SCG5: variants seen among roughly 807,000 people sequenced by gnomAD.
The protein encoded by SCG5 is secretogranin V.
In SCG5, 18 loss-of-function variants were observed where a neutral mutation model predicts 25.7. That is an observed-to-expected ratio of 0.70 (90% CI 0.48 to 1.04). The LOEUF (loss-of-function observed/expected upper bound fraction) is 1.04, where lower values mean the gene tolerates loss of function less well. Among genes scored for constraint, SCG5 ranks in the 50% least tolerant of loss-of-function variants. The pLI, the probability that SCG5 is intolerant of heterozygous loss-of-function variation, is 0.00. For missense variants in SCG5, 206 were observed against 259.8 expected, an observed-to-expected ratio of 0.79 and a Z score of 1.42; for synonymous variants, 101 against 91.7, an observed-to-expected ratio of 1.10 and a Z score of -0.58.
At chr15:32,675,761 C>T (rs2054519974) in intron 2 of SCG5, among the ~76,000 whole-genome samples, 1 of 152,230 alleles carries the variant, frequency 6.6e-6, no homozygotes, top group Non-Finnish European at 1.5e-5. Context: ...CAGTGCATTA[C>T]AACTGGCTGT....
Position 32,679,821 on chromosome 15 carries a change from C to A in SCG5, c.282C>A (p.Ile94=), listed in dbSNP as rs529878476. ...HLGPFGNIPN[I]VAELTGDNIP... is the part of the protein sequence containing the mutation. ...GTCCTTTTGGCAACATCCCCAACAT[C>A]GTGGCAGAGTTGACTGGAGACAACA... is the stretch of plus-strand genomic sequence containing the variant. Residue 94 remains isoleucine, a synonymous_variant, in exon 3 of 6, where the codon ATC becomes ATA. Coordinates refer to ENST00000300175, the MANE Select transcript of SCG5 (RefSeq NM_001144757.3). 1 of 1,613,910 alleles carries A rather than the reference C, an allele frequency of 6.2e-7. No homozygotes were observed. Among genetic ancestry groups the A allele is most frequent in the South Asian group, 1.1e-5 (1 of 91,082 alleles).
At chr15:32,695,981 G>C (rs2054950907) in intron 5 of SCG5, among the ~76,000 whole-genome samples, 1 of 152,160 alleles carries the variant, frequency 6.6e-6, no homozygotes, top group African/African-American at 2.4e-5. Context: ...CACAATTAGA[G>C]ACATCTATCA....
chr15:32,643,192 T>C (rs1336234353), intron 1 of SCG5, among the ~76,000 whole-genome samples: 1 of 152,242 alleles, frequency 6.6e-6, no homozygotes, highest in African/African-American at 2.4e-5. Flanking sequence ...AAACCCAAGA[T>C]GCCACTATCT....
chr15:32,690,514 T>C (rs2054831319), intron 4 of SCG5, among the ~76,000 whole-genome samples: 1 of 152,244 alleles, frequency 6.6e-6, no homozygotes, highest in African/African-American at 2.4e-5. Context: ...AATTGATTTA[T>C]TCCCCAAGTG....
chr15:32,687,486 A>AT lies in SCG5; in HGVS notation c.489+2819dup, dbSNP rs1452603123. ...TCTCATTACTACCTACCAGTAAAACATTGTTTCCTTGGTTTTCACATGGAA... is the reference window on the plus strand; with the variant it reads ...TCTCATTACTACCTACCAGTAAAACATTTGTTTCCTTGGTTTTCACATGGAA... On this transcript the variant is annotated intron_variant, in intron 4 of 5. Coordinates refer to ENST00000300175, the MANE Select transcript of SCG5 (RefSeq NM_001144757.3). 3.9e-5 allele frequency among the ~76,000 whole-genome samples: 6 copies of AT among 152,294 alleles called. No homozygotes were observed. The East Asian group carries it at 1.2e-3, about 29-fold the overall frequency.
At chr15:32,668,095 T>G (rs929134360) in intron 2 of SCG5, among the ~76,000 whole-genome samples, 1 of 152,136 alleles carries the variant, frequency 6.6e-6, no homozygotes, top group Non-Finnish European at 1.5e-5. Flanking sequence ...TGTAGAGGAT[T>G]TAGTCTGGGC....
chr15:32,682,724 T>G (rs1231690951), intron 3 of SCG5, among the ~76,000 whole-genome samples: 1 of 152,232 alleles, frequency 6.6e-6, no homozygotes, highest in African/African-American at 2.4e-5. Context: ...AATTTAGCCA[T>G]TATTTGTGAG....
At chr15:32,682,035 G>A (rs191976578) in intron 3 of SCG5, among the ~76,000 whole-genome samples, 64 of 152,228 alleles carry the variant, frequency 4.2e-4, no homozygotes, top group African/African-American at 1.3e-3. Flanking sequence ...TAGGGTTTTG[G>A]ATGGGTAGGA....
intron 2 of SCG5, among the ~76,000 whole-genome samples, chr15:32,649,678 G>A (rs558172003): frequency 6.6e-6 from 1 of 152,224 alleles, no homozygotes; most frequent in South Asian, 2.1e-4. Context: ...TAACTTCTCC[G>A]TGGGCGCCTT....
At chr15:32,646,049 TC>T (rs757166347) in intron 2 of SCG5, among the ~76,000 whole-genome samples, 7 of 152,112 alleles carry the variant, frequency 4.6e-5, no homozygotes, top group Non-Finnish European at 8.8e-5. Context: ...CCATCTGACC[TC>T]ATGATCCGCC....
rs534348268 is a variant in SCG5, at chr15:32,643,922, A to AT, written c.226+111dup. On this transcript the variant is annotated intron_variant, in intron 2 of 5. Transcript: ENST00000300175. ...TATAAGTAGATGCCTTTATTATCCT[A>AT]TTTTTTTCAGAGGAGGAAGCTAATT... 29 of 993,804 alleles carry AT rather than the reference A, an allele frequency of 2.9e-5. No homozygotes were observed. In the East Asian group the frequency reaches 4.7e-4, roughly 16 times the overall value. The allele number at this position is 993,804 out of a possible 1,614,324, so 61.6% of individuals were successfully genotyped here. A position where few individuals can be genotyped will look rare whatever the true frequency, so the allele number is the denominator to read the frequency against.
In SCG5 at chr15:32,670,295, G is replaced by A. The variant is rs140439958; in HGVS notation, c.227-9471G>A. Among the ~76,000 whole-genome samples the A allele has an allele frequency of 2.0e-3, 312 of 152,356 alleles. 2 individuals carry two copies. The Middle Eastern group carries it at 0.024, about 12-fold the overall frequency. Reference sequence around the variant, plus strand: ...GCCAGCCAGGGTGTCTGCCCTTGCCGGCTATGTGGGGCAGTCCCTGTGAGG... The same window carrying A: ...GCCAGCCAGGGTGTCTGCCCTTGCCAGCTATGTGGGGCAGTCCCTGTGAGG... On this transcript the variant is annotated intron_variant, in intron 2 of 5. Coordinates refer to ENST00000300175, the MANE Select transcript of SCG5 (RefSeq NM_001144757.3).
At chr15:32,691,960 G>T in intron 5 of SCG5, 197 bp downstream of exon 5, 1 of 1,434,362 alleles carries the variant, frequency 7.0e-7, no homozygotes, top group Non-Finnish European at 9.1e-7. Context: ...CCAGGCTTTA[G>T]CAGATGATTT....
Position 32,679,916 on chromosome 15 carries a change from G to A in SCG5, c.376+1G>A. The A allele has an allele frequency of 6.2e-7, 1 of 1,608,854 alleles. No individual in the cohort carries two copies. Among genetic ancestry groups the A allele is most frequent in the Non-Finnish European group, 8.5e-7 (1 of 1,177,428 alleles). On this transcript the variant is annotated splice_donor_variant, in intron 3 of 5. Transcript: ENST00000300175. LOFTEE classifies it high-confidence loss of function. ...AATCCCTGTCCTGTTGGAAAAACAGGTAACAGATATGCCTTTGGGTTCCCA... is the reference window on the plus strand; with the variant it reads ...AATCCCTGTCCTGTTGGAAAAACAGATAACAGATATGCCTTTGGGTTCCCA...
chr15:32,665,789 A>G (rs2054309018), intron 2 of SCG5: 1 of 152,190 alleles, frequency 6.6e-6, no homozygotes, highest in Admixed American at 6.5e-5. Flanking sequence ...AGAGCTGGCA[A>G]TTTGAGGAAT....
intron 2 of SCG5, among the ~76,000 whole-genome samples, chr15:32,678,947 A>G (rs11071897): frequency 0.95 from 144,049 of 152,308 alleles, 68,286 homozygotes; most frequent in East Asian, 0.99. Context: ...ATTGGAGTCA[A>G]TACACCAAAT....
At chr15:32,675,036 G>T (rs1262290012) in intron 2 of SCG5, among the ~76,000 whole-genome samples, 1 of 152,172 alleles carries the variant, frequency 6.6e-6, no homozygotes, top group Non-Finnish European at 1.5e-5. Flanking sequence ...CTAGAGCTTA[G>T]AAATAAACAG....
chr15:32,690,922 GC>G (rs34757221), intron 4 of SCG5, among the ~76,000 whole-genome samples: 2,427 of 143,364 alleles, frequency 0.017, 29 homozygotes, highest in Non-Finnish European at 0.026. Context: ...CACAAGTAAA[GC>G]CCCCCCCCAC....
intron 2 of SCG5, among the ~76,000 whole-genome samples, chr15:32,654,553 G>A (rs2054083090): frequency 6.6e-6 from 1 of 152,182 alleles, no homozygotes; most frequent in South Asian, 2.1e-4. Context: ...TATAGGTACT[G>A]TACAGATGCA....
Sources: allele counts gnomAD v4.1 joint callset (sites outside exome capture counted in the v4.1 genomes callset), GRCh38; gene constraint gnomAD v4.1.1; transcripts MANE v1.5; gene names NCBI Gene and HGNC (gene_info 2026-07-23, HGNC 2026-07-21).